The following STXBP4 variants were observed in gnomAD, a reference collection of about 807,000 sequenced individuals.
The protein encoded by STXBP4 is syntaxin binding protein 4.
A neutral mutation model predicts 76.1 loss-of-function variants in STXBP4; 55 were observed. The ratio of observed to expected loss-of-function variants is 0.72; its 90% CI spans 0.58 to 0.91. STXBP4 has a LOEUF of 0.91. STXBP4 is among the 40% of genes least tolerant of loss of function. STXBP4 has a pLI of 0.00. For synonymous variants in STXBP4, 201 were observed against 220.2 expected (o/e 0.91, Z 0.77); for missense variants, 618 against 636.9 (o/e 0.97, Z 0.32).
intron 17 of STXBP4, among the ~76,000 whole-genome samples, chr17:55,144,871 T>C (rs1200116937): frequency 1.3e-5 from 2 of 152,242 alleles, no homozygotes; most frequent in African/African-American, 2.4e-5. Flanking sequence ...TAGGCACATT[T>C]ACTTAACCTC....
At chr17:54,992,410 G>T (rs2077731867) in intron 4 of STXBP4, among the ~76,000 whole-genome samples, 1 of 145,220 alleles carries the variant, frequency 6.9e-6, no homozygotes, top group African/African-American at 2.5e-5. Context: ...ACAAGACCCT[G>T]TCTCAAAAAA....
chr17:54,990,980 C>A, intron 4 of STXBP4, 23 bp downstream of exon 4: 1 of 1,490,590 alleles, frequency 6.7e-7, no homozygotes, highest in Non-Finnish European at 8.9e-7. Flanking sequence ...CCCATGCCCA[C>A]CAAAAATACA....
At chr17:55,204,995 C>A in the STXBP4 span, among the ~76,000 whole-genome samples, 2 of 152,050 alleles carry the variant, frequency 1.3e-5, no homozygotes, top group Non-Finnish European at 2.9e-5. Context: ...ATGTTGTCCA[C>A]CCTTTTTAGT....
In STXBP4 at chr17:55,037,674, C is replaced by T. The variant is rs531545855; in HGVS notation, c.855+3415C>T. On this transcript the variant is annotated intron_variant, in intron 10 of 17. Coordinates refer to ENST00000376352, the MANE Select transcript of STXBP4 (RefSeq NM_178509.6). The stretch of plus-strand genomic sequence containing the variant: ...ATATTAATTTTTTATTATATTTTTT[C>T]ACTTGAGTACAGAATAAGAAAACAT... Among the ~76,000 whole-genome samples, 41 of 152,076 alleles carry T rather than the reference C, an allele frequency of 2.7e-4. No homozygotes were observed. In the East Asian group the frequency reaches 6.6e-3, roughly 24 times the overall value.
At chr17:55,017,089 C>A (rs979913695) in intron 8 of STXBP4, among the ~76,000 whole-genome samples, 1 of 152,150 alleles carries the variant, frequency 6.6e-6, no homozygotes, top group Admixed American at 6.5e-5. Flanking sequence ...TATAGGGTCA[C>A]GGAGAAGACC....
the STXBP4 span, among the ~76,000 whole-genome samples, chr17:55,179,614 C>T: frequency 6.6e-6 from 1 of 152,118 alleles, no homozygotes; most frequent in Non-Finnish European, 1.5e-5. Flanking sequence ...GCAAGACCAA[C>T]CCCTCCTTTT....
intron 16 of STXBP4, among the ~76,000 whole-genome samples, chr17:55,105,530 C>T (rs1021926788): frequency 2.0e-5 from 3 of 149,392 alleles, no homozygotes; most frequent in African/African-American, 7.4e-5. Flanking sequence ...TGCAGTGGCG[C>T]AATCTCAGCT....
chr17:55,142,452 C>T (rs2080104352), intron 17 of STXBP4, among the ~76,000 whole-genome samples: 1 of 152,110 alleles, frequency 6.6e-6, no homozygotes, highest in South Asian at 2.1e-4. Flanking sequence ...ATTCTCATGC[C>T]CCGCAACTTT....
intron 16 of STXBP4, among the ~76,000 whole-genome samples, chr17:55,122,873 A>G (rs1415508641): frequency 6.6e-6 from 1 of 152,188 alleles, no homozygotes; most frequent in Non-Finnish European, 1.5e-5. Flanking sequence ...AGTTACAAGT[A>G]TTTTATCCAG....
the STXBP4 span, among the ~76,000 whole-genome samples, chr17:55,191,169 G>C: frequency 6.6e-6 from 1 of 152,128 alleles, no homozygotes; most frequent in African/African-American, 2.4e-5. Flanking sequence ...AGGGTAGATA[G>C]GTTCTTTCTA....
intron 16 of STXBP4, among the ~76,000 whole-genome samples, chr17:55,083,714 T>C (rs867004372): frequency 6.6e-6 from 1 of 152,154 alleles, no homozygotes; most frequent in South Asian, 2.1e-4. Flanking sequence ...CACCTACCTA[T>C]ATTTGGCCTC....
At chr17:55,074,935 A>G (rs2144882807) in intron 13 of STXBP4, among the ~76,000 whole-genome samples, 1 of 152,176 alleles carries the variant, frequency 6.6e-6, no homozygotes, top group South Asian at 2.1e-4. Context: ...AGAGACATTG[A>G]CCAAGATGTT....
chr17:55,175,508 G>C (rs1230740831), downstream of STXBP4, among the ~76,000 whole-genome samples: 1 of 152,216 alleles, frequency 6.6e-6, no homozygotes, highest in East Asian at 1.9e-4. Context: ...TTATCAGTCA[G>C]AAACCCTGCA....
chr17:55,058,499 A>C (rs1388695099), intron 12 of STXBP4, among the ~76,000 whole-genome samples: 1 of 151,884 alleles, frequency 6.6e-6, no homozygotes, highest in Non-Finnish European at 1.5e-5. Context: ...ACAGATGTAA[A>C]AGGGTTAAAA....
the STXBP4 span, among the ~76,000 whole-genome samples, chr17:55,183,191 C>A: frequency 6.6e-6 from 1 of 152,140 alleles, no homozygotes; most frequent in Non-Finnish European, 1.5e-5. Flanking sequence ...AACTACCAAG[C>A]AGCATTAGCC....
intron 16 of STXBP4, among the ~76,000 whole-genome samples, chr17:55,105,822 CTGTT>C (rs1332176504): frequency 2.6e-5 from 4 of 152,032 alleles, no homozygotes; most frequent in Non-Finnish European, 5.9e-5. Flanking sequence ...GTCTGAGAGA[CTGTT>C]TGTTATGATT....
chr17:55,080,112 A>G (rs919605599), intron 15 of STXBP4, among the ~76,000 whole-genome samples: 1 of 152,128 alleles, frequency 6.6e-6, no homozygotes, highest in African/African-American at 2.4e-5. Context: ...TAATAATTCA[A>G]AAGTTTTGTT....
intron 16 of STXBP4, among the ~76,000 whole-genome samples, chr17:55,102,233 C>T (rs1460674997): frequency 2.0e-5 from 3 of 151,982 alleles, no homozygotes; most frequent in Non-Finnish European, 4.4e-5. Flanking sequence ...GCCATCAACC[C>T]GTTATCTACA....
In STXBP4 at chr17:54,989,253, G is replaced by A. The variant is rs563907324; in HGVS notation, c.48-1572G>A. On this transcript the variant is annotated intron_variant, in intron 3 of 17. Coordinates refer to ENST00000376352, the MANE Select transcript of STXBP4 (RefSeq NM_178509.6). ...CTCCTGAGCAGCTGGTACTATAGGC[G>A]TCCACCACCGCGCCTGGCTAATTTT... Among the ~76,000 whole-genome samples the A allele has an allele frequency of 1.4e-3, 212 of 152,222 alleles. 1 individual carries two copies. The highest frequency in any genetic ancestry group is 5.6e-3 in the Admixed American group (85 of 15,302).
Sources: allele counts gnomAD v4.1 joint callset (sites outside exome capture counted in the v4.1 genomes callset), GRCh38; gene constraint gnomAD v4.1.1; transcripts MANE v1.5; gene names NCBI Gene and HGNC (gene_info 2026-07-23, HGNC 2026-07-21).